Variants in SEMA3A observed in about 807,000 individuals in gnomAD.
SEMA3A encodes semaphorin 3A, also known as semaphorin-3A.
In SEMA3A, 29 loss-of-function variants were observed where a neutral mutation model predicts 97.9. The ratio of observed to expected loss-of-function variants is 0.30; its 90% CI spans 0.22 to 0.40. The LOEUF is 0.40. Among genes scored for constraint, SEMA3A ranks in the 10% least tolerant of loss-of-function variants. The pLI is 1.00. For synonymous variants in SEMA3A, 321 were observed against 323.7 expected (o/e 0.99, Z 0.09); for missense variants, 763 against 951.3 (o/e 0.80, Z 2.60).
At chr7:84,469,767 T>G (rs1296350982) in intron 1 of SEMA3A, among the ~76,000 whole-genome samples, 1 of 152,080 alleles carries the variant, frequency 6.6e-6, no homozygotes. Flanking sequence ...GTTTACAAAA[T>G]GGTTTAATTA....
chr7:84,252,083 A>G (rs997769787), intron 3 of SEMA3A, among the ~76,000 whole-genome samples: 2 of 152,158 alleles, frequency 1.3e-5, no homozygotes, highest in Non-Finnish European at 2.9e-5. Flanking sequence ...ACTCATCCGA[A>G]TCCAGCAATG....
chr7:84,252,396 G>A (rs909409021), intron 3 of SEMA3A, among the ~76,000 whole-genome samples: 1 of 152,128 alleles, frequency 6.6e-6, no homozygotes, highest in Non-Finnish European at 1.5e-5. Flanking sequence ...GGCAAACCAC[G>A]CAATAACACA....
intron 1 of SEMA3A, among the ~76,000 whole-genome samples, chr7:84,172,522 C>A (rs577676218): frequency 2.6e-5 from 4 of 152,030 alleles, no homozygotes; most frequent in South Asian, 2.1e-4. Context: ...CCTGGGTTCA[C>A]GCCATTCTCC....
chr7:84,335,886 T>C (rs893444984), intron 2 of SEMA3A, among the ~76,000 whole-genome samples: 1 of 152,146 alleles, frequency 6.6e-6, no homozygotes, highest in Admixed American at 6.6e-5. Context: ...TAAATTATTA[T>C]TTCAGTGTGT....
intron 13 of SEMA3A, among the ~76,000 whole-genome samples, chr7:83,985,219 T>G (rs976237919): frequency 6.6e-6 from 1 of 152,040 alleles, no homozygotes; most frequent in Non-Finnish European, 1.5e-5. Context: ...AAAATAATGT[T>G]TATAGAACAC....
At chr7:84,403,394 C>T (rs2116220004) in intron 1 of SEMA3A, among the ~76,000 whole-genome samples, 1 of 152,322 alleles carries the variant, frequency 6.6e-6, no homozygotes, top group East Asian at 1.9e-4. Context: ...AACAAAGCGG[C>T]TGGGAAGCTT....
At chr7:84,325,983 G>A (rs1801766808) in intron 2 of SEMA3A, among the ~76,000 whole-genome samples, 2 of 151,986 alleles carry the variant, frequency 1.3e-5, no homozygotes, top group South Asian at 4.1e-4. Flanking sequence ...GATTCCACAT[G>A]TAACTGAGAT....
chr7:84,295,925 C>A (rs1298686265), intron 3 of SEMA3A, among the ~76,000 whole-genome samples: 1 of 151,882 alleles, frequency 6.6e-6, no homozygotes, highest in East Asian at 1.9e-4. Context: ...CAATTCAAAG[C>A]CACTTTTACA....
chr7:84,491,834 T>C (rs1029698969), intron 1 of SEMA3A, among the ~76,000 whole-genome samples: 3 of 152,186 alleles, frequency 2.0e-5, no homozygotes, highest in Non-Finnish European at 4.4e-5. Flanking sequence ...CTGGTTTTAA[T>C]ATATCTTCTT....
chr7:84,487,176 C>T (rs930415612), intron 1 of SEMA3A, among the ~76,000 whole-genome samples: 2 of 151,940 alleles, frequency 1.3e-5, no homozygotes, highest in Non-Finnish European at 2.9e-5. Flanking sequence ...TAATATTAAG[C>T]AGGGCTAGAA....
Position 84,081,417 on chromosome 7 carries a change from C to A in SEMA3A, c.454-20859G>T, listed in dbSNP as rs186146326. Among the ~76,000 whole-genome samples the A allele has an allele frequency of 1.1e-4, 16 of 151,864 alleles. No homozygotes were observed. In the East Asian group the frequency reaches 3.1e-3, roughly 29 times the overall value. On this transcript the variant is annotated intron_variant, in intron 4 of 16. Coordinates refer to ENST00000265362, the MANE Select transcript of SEMA3A (RefSeq NM_006080.3). ...ACCACCCTGGCTAACACGGTGAAACCCCGTCTCTACTAAAAATACAAAAAA... is the reference window on the plus strand; with the variant it reads ...ACCACCCTGGCTAACACGGTGAAACACCGTCTCTACTAAAAATACAAAAAA...
chr7:84,464,892 A>C (rs1805951492), intron 1 of SEMA3A, among the ~76,000 whole-genome samples: 1 of 152,150 alleles, frequency 6.6e-6, no homozygotes, highest in South Asian at 2.1e-4. Flanking sequence ...TCAGTGTAAT[A>C]AAGAAAGATA....
At chr7:84,153,966 G>C (rs1796756946) in intron 1 of SEMA3A, among the ~76,000 whole-genome samples, 1 of 151,952 alleles carries the variant, frequency 6.6e-6, no homozygotes, top group Non-Finnish European at 1.5e-5. Context: ...AGTTCCTTTT[G>C]ATGTTCAATG....
intron 3 of SEMA3A, among the ~76,000 whole-genome samples, chr7:84,113,550 T>G (rs1173877116): frequency 1.3e-5 from 2 of 152,182 alleles, no homozygotes; most frequent in Non-Finnish European, 1.5e-5. Flanking sequence ...CAGAATGTAA[T>G]GTACTTTTTG....
chr7:84,210,754 T>C (rs900558657), intron 3 of SEMA3A, among the ~76,000 whole-genome samples: 3 of 151,868 alleles, frequency 2.0e-5, no homozygotes, highest in Non-Finnish European at 4.4e-5. Context: ...TTAGAAAAGG[T>C]ATTTATTATT....
In SEMA3A at chr7:84,339,519, T is replaced by C. The variant is rs17158906; in HGVS notation, c.-168-32227A>G. On this transcript the variant is annotated intron_variant, in intron 2 of 3. Coordinates refer to the SEMA3A transcript ENST00000424555. ...AGGGTTTGGCACTCATTTTCATAGT[T>C]CCTACTGTGTAGAAGTTTGGCAAGA... is the stretch of plus-strand genomic sequence containing the variant. Among the ~76,000 whole-genome samples, 1,434 of 152,264 alleles carry C rather than the reference T, an allele frequency of 9.4e-3. 22 individuals carry two copies. Among genetic ancestry groups the C allele is most frequent in the African/African-American group, 0.033 (1,364 of 41,550 alleles).
intron 1 of SEMA3A, among the ~76,000 whole-genome samples, chr7:84,398,876 G>A (rs529504297): frequency 6.6e-6 from 1 of 152,098 alleles, no homozygotes; most frequent in South Asian, 2.1e-4. Flanking sequence ...AGAACAAGAT[G>A]GCCTAGTAGA....
intron 1 of SEMA3A, among the ~76,000 whole-genome samples, chr7:84,137,604 A>G (rs924569866): frequency 2.0e-5 from 3 of 148,976 alleles, no homozygotes; most frequent in Non-Finnish European, 3.0e-5. Flanking sequence ...ATTCAAAGAG[A>G]TCTGTTTATC....
chr7:83,993,106 T>TAA (rs1162867537), intron 12 of SEMA3A, among the ~76,000 whole-genome samples: 67 of 144,060 alleles, frequency 4.7e-4, no homozygotes, highest in African/African-American at 1.7e-3. Context: ...TTTGTTGGTT[T>TAA]CAAGTCTGTT....
Sources: allele counts gnomAD v4.1 joint callset (sites outside exome capture counted in the v4.1 genomes callset), GRCh38; gene constraint gnomAD v4.1.1; transcripts MANE v1.5; gene names NCBI Gene and HGNC (gene_info 2026-07-23, HGNC 2026-07-21).